GRIP1: variants seen among roughly 807,000 people sequenced by gnomAD.
The protein encoded by GRIP1 is glutamate receptor-interacting protein 1.
Under a neutral mutation model 129.9 loss-of-function variants are expected in GRIP1, and 45 were observed. The ratio of observed to expected loss-of-function variants is 0.35; its 90% CI spans 0.27 to 0.44. GRIP1 has a LOEUF of 0.44. Among genes scored for constraint, GRIP1 ranks in the 20% least tolerant of loss-of-function variants. GRIP1 has a pLI of 1.00. For synonymous variants in GRIP1, 530 were observed against 520.8 expected, an observed-to-expected ratio of 1.02 and a Z score of -0.24; for missense variants, 1,196 against 1,396.8, an observed-to-expected ratio of 0.86 and a Z score of 2.29.
chr12:66,723,229 TCTCTCTCTC>T (rs1565987700), intron 1 of GRIP1, among the ~76,000 whole-genome samples: 8 of 25,886 alleles, frequency 3.1e-4, no homozygotes, highest in Admixed American at 4.5e-4. Flanking sequence ...TTTCTTTCTC[TCTCTCTCTC>T]TCTTCCTTCC....
chr12:66,499,701 C>G (rs1164065318), intron 7 of GRIP1, among the ~76,000 whole-genome samples: 1 of 152,056 alleles, frequency 6.6e-6, no homozygotes, highest in African/African-American at 2.4e-5. Context: ...GCTGGGTTTA[C>G]CAGGATAACT....
chr12:66,584,591 T>C (rs1487342710), intron 2 of GRIP1, among the ~76,000 whole-genome samples: 1 of 151,850 alleles, frequency 6.6e-6, no homozygotes, highest in Admixed American at 6.6e-5. Context: ...ATAAAAATGA[T>C]TATGGAAGGG....
chr12:66,586,573 C>A lies in GRIP1; in HGVS notation c.136+10274G>T, dbSNP rs191421172. On this transcript the variant is annotated intron_variant, in intron 2 of 24. Coordinates refer to ENST00000359742, the MANE Select transcript of GRIP1 (RefSeq NM_001366722.1). ...AAATTTCTATCTCCACCTAAGCTCT[C>A]CTCTGAGTTCCCCACTCCCCTGTTC... Among the ~76,000 whole-genome samples, 3 of 152,246 alleles carry A rather than the reference C, an allele frequency of 2.0e-5. No individual in the cohort carries two copies. The East Asian group carries it at 5.8e-4, about 29-fold the overall frequency.
At chr12:67,006,758 A>G (rs1313749900) in intron 1 of GRIP1, among the ~76,000 whole-genome samples, 1 of 152,182 alleles carries the variant, frequency 6.6e-6, no homozygotes, top group Non-Finnish European at 1.5e-5. Flanking sequence ...AGAAGCAACA[A>G]AAAAGGGCTT....
chr12:66,628,915 T>C (rs1179191341), intron 1 of GRIP1, among the ~76,000 whole-genome samples: 1 of 152,192 alleles, frequency 6.6e-6, no homozygotes, highest in East Asian at 1.9e-4. Context: ...AAACTATGAA[T>C]TCCAAAAGGG....
chr12:66,628,517 C>G (rs2030370177), intron 1 of GRIP1, among the ~76,000 whole-genome samples: 1 of 152,224 alleles, frequency 6.6e-6, no homozygotes, highest in South Asian at 2.1e-4. Flanking sequence ...CTGTTAACCC[C>G]TCATCAGAGT....
chr12:66,476,336 C>T (rs891125049), intron 7 of GRIP1, among the ~76,000 whole-genome samples: 11 of 152,194 alleles, frequency 7.2e-5, no homozygotes, highest in South Asian at 6.2e-4. Flanking sequence ...AATCTCTTAA[C>T]AGACCAATAA....
At chr12:67,054,789 T>C (rs1181119801) in intron 1 of GRIP1, among the ~76,000 whole-genome samples, 3 of 145,724 alleles carry the variant, frequency 2.1e-5, no homozygotes, top group African/African-American at 5.1e-5. Flanking sequence ...TCAAACCCTA[T>C]AGTACTCCAA....
At chr12:66,577,119 A>T (rs1048287910) in intron 2 of GRIP1, among the ~76,000 whole-genome samples, 5 of 152,216 alleles carry the variant, frequency 3.3e-5, no homozygotes, top group Non-Finnish European at 7.3e-5. Flanking sequence ...TATAAGGCAG[A>T]ACCGGAGGAA....
chr12:66,371,688 A>C lies in GRIP1; in HGVS notation c.3012+6T>G, dbSNP rs1393694156. 6.3e-7 allele frequency: 1 copy of C among 1,583,462 alleles called. No individual in the cohort carries two copies. Among genetic ancestry groups the C allele is most frequent in the South Asian group, 1.1e-5 (1 of 90,462 alleles). On this transcript the variant is annotated splice_donor_region_variant and intron_variant, in intron 23 of 24. Transcript: ENST00000359742. ...ACCCTAGGGAAAGAAGAGAAAGCTT[A>C]CTGACCTTGTGCAGCTCCACAGGAG...
chr12:66,970,775 A>T (rs917944137), intron 1 of GRIP1, among the ~76,000 whole-genome samples: 1 of 152,060 alleles, frequency 6.6e-6, no homozygotes, highest in Non-Finnish European at 1.5e-5. Flanking sequence ...GACCTTTACA[A>T]ATGTTTCTTA....
chr12:66,855,904 A>T (rs1278004350), intron 1 of GRIP1, among the ~76,000 whole-genome samples: 1 of 152,030 alleles, frequency 6.6e-6, no homozygotes, highest in Non-Finnish European at 1.5e-5. Flanking sequence ...TCTCTGACAT[A>T]TAAAAGTTTT....
At chr12:66,499,501 A>C in intron 7 of GRIP1, among the ~76,000 whole-genome samples, 1 of 152,198 alleles carries the variant, frequency 6.6e-6, no homozygotes, top group Non-Finnish European at 1.5e-5. Context: ...TTTTATGTAC[A>C]GGGCACAACA....
At chr12:66,859,257 C>T (rs11176456) in intron 1 of GRIP1, among the ~76,000 whole-genome samples, 1 of 94,650 alleles carries the variant, frequency 1.1e-5, no homozygotes, top group Admixed American at 1.2e-4. Context: ...TCCACATTTT[C>T]TGAAAAAAAA....
At chr12:66,958,320 A>C (rs907781748) in intron 1 of GRIP1, among the ~76,000 whole-genome samples, 1 of 152,038 alleles carries the variant, frequency 6.6e-6, no homozygotes, top group Non-Finnish European at 1.5e-5. Context: ...TTTTATAGAG[A>C]TGGAATCCCA....
chr12:66,671,866 A>G (rs2136237224), intron 1 of GRIP1, among the ~76,000 whole-genome samples: 1 of 152,346 alleles, frequency 6.6e-6, no homozygotes, highest in Non-Finnish European at 1.5e-5. Flanking sequence ...TTGAAAGTGA[A>G]GATACATGAA....
intron 1 of GRIP1, among the ~76,000 whole-genome samples, chr12:66,707,527 AG>A (rs1166169772): frequency 2.6e-4 from 39 of 148,600 alleles, no homozygotes; most frequent in African/African-American, 8.9e-4. Context: ...AAAAAAAAAA[AG>A]ATGTGGAAAA....
At chr12:66,877,670 A>G (rs1259716700) in intron 1 of GRIP1, among the ~76,000 whole-genome samples, 1 of 152,118 alleles carries the variant, frequency 6.6e-6, no homozygotes, top group Non-Finnish European at 1.5e-5. Flanking sequence ...ATAATGGGAA[A>G]TGTCTTTCCA....
At chr12:66,523,419 C>G (rs1312461213) in intron 5 of GRIP1, among the ~76,000 whole-genome samples, 2 of 148,292 alleles carry the variant, frequency 1.3e-5, no homozygotes, top group East Asian at 3.9e-4. Flanking sequence ...ATTTCATATC[C>G]AGCCAAACTA....
Sources: allele counts gnomAD v4.1 joint callset (sites outside exome capture counted in the v4.1 genomes callset), GRCh38; gene constraint gnomAD v4.1.1; transcripts MANE v1.5; gene names NCBI Gene and HGNC (gene_info 2026-07-23, HGNC 2026-07-21).